Variants in LGSN observed in about 807,000 individuals in gnomAD.
LGSN encodes the protein lengsin, lens protein with glutamine synthetase domain, also known as lengsin.
Under a neutral mutation model 19.5 loss-of-function variants are expected in LGSN, and 21 were observed. The observed-to-expected ratio is 1.07, with a 90% CI of 0.76 to 1.55. The LOEUF (loss-of-function observed/expected upper bound fraction) is 1.55, where lower values mean the gene tolerates loss of function less well. Ranked by LOEUF, LGSN falls within the 40% of genes most tolerant of loss-of-function variation. The pLI is 0.00. For synonymous variants in LGSN, 257 were observed against 215.6 expected, an observed-to-expected ratio of 1.19 and a Z score of -1.68; for missense variants, 673 against 608.5, an observed-to-expected ratio of 1.11 and a Z score of -1.12.
At chr6:63,567,405 T>G in the LGSN span, among the ~76,000 whole-genome samples, 2 of 152,232 alleles carry the variant, frequency 1.3e-5, no homozygotes, top group Non-Finnish European at 2.9e-5. Context: ...ATTACTCTCC[T>G]TGTACATCTC....
At chr6:63,434,205 G>C in the LGSN span, among the ~76,000 whole-genome samples, 5 of 151,582 alleles carry the variant, frequency 3.3e-5, no homozygotes, top group Non-Finnish European at 1.5e-5. Flanking sequence ...TTGGGAGGCT[G>C]ATGTGGGCAG....
intron 1 of LGSN, among the ~76,000 whole-genome samples, chr6:63,303,057 G>A (rs1234895601): frequency 6.6e-6 from 1 of 152,140 alleles, no homozygotes; most frequent in African/African-American, 2.4e-5. Context: ...GAACCCAGGA[G>A]GCAGAGGTTG....
At chr6:63,384,057 C>T in the LGSN span, among the ~76,000 whole-genome samples, 1 of 152,162 alleles carries the variant, frequency 6.6e-6, no homozygotes, top group African/African-American at 2.4e-5. Flanking sequence ...TTTACAGTCT[C>T]CTCTGCTTCT....
At chr6:63,290,689 A>G (rs2127386103) in intron 2 of LGSN, among the ~76,000 whole-genome samples, 1 of 152,366 alleles carries the variant, frequency 6.6e-6, no homozygotes, top group South Asian at 2.1e-4. Context: ...AGGACCAGAT[A>G]GTAAATATTT....
the LGSN span, among the ~76,000 whole-genome samples, chr6:63,569,724 A>T: frequency 6.6e-6 from 1 of 152,252 alleles, no homozygotes; most frequent in Non-Finnish European, 1.5e-5. Flanking sequence ...AGCAGGAGAG[A>T]AAATCCTCTA....
chr6:63,344,273 A>G, the LGSN span, among the ~76,000 whole-genome samples: 449 of 152,346 alleles, frequency 2.9e-3, 3 homozygotes, highest in African/African-American at 0.01. Flanking sequence ...CTTCTCAGTA[A>G]CGAAGCTGTA....
the LGSN span, among the ~76,000 whole-genome samples, chr6:63,552,117 C>T: frequency 3.3e-5 from 5 of 152,196 alleles, no homozygotes; most frequent in African/African-American, 1.2e-4. Context: ...GGAATCGCCA[C>T]ACTGACTTCC....
the LGSN span, among the ~76,000 whole-genome samples, chr6:63,445,806 T>C: frequency 6.6e-6 from 1 of 152,116 alleles, no homozygotes; most frequent in Non-Finnish European, 1.5e-5. Context: ...TGTTCTTCTT[T>C]CCACCCTAGG....
At chr6:63,557,482 C>T in the LGSN span, among the ~76,000 whole-genome samples, 1 of 151,614 alleles carries the variant, frequency 6.6e-6, no homozygotes, top group African/African-American at 2.4e-5. Flanking sequence ...GAGAACTGCT[C>T]CATATATATA....
At chr6:63,441,164 G>A in the LGSN span, 22 of 208,412 alleles carry the variant, frequency 1.1e-4, no homozygotes, top group Non-Finnish European at 1.9e-4. Flanking sequence ...AGCCGAGATT[G>A]CGCATTGCAC....
the LGSN span, chr6:63,443,378 G>C: frequency 6.5e-6 from 1 of 154,474 alleles, no homozygotes; most frequent in Non-Finnish European, 1.4e-5. Flanking sequence ...AGCCCAGAGA[G>C]GGGTTCCCAC....
chr6:63,451,402 A>G, the LGSN span, among the ~76,000 whole-genome samples: 3 of 152,214 alleles, frequency 2.0e-5, no homozygotes, highest in African/African-American at 7.2e-5. Context: ...ATGGAACACT[A>G]TGCAGCTGTA....
At chr6:63,416,672 A>G in the LGSN span, among the ~76,000 whole-genome samples, 3 of 151,734 alleles carry the variant, frequency 2.0e-5, no homozygotes, top group African/African-American at 7.3e-5. Context: ...CACCTCAGCA[A>G]TTCTCCTACC....
the LGSN span, among the ~76,000 whole-genome samples, chr6:63,466,724 T>C: frequency 3.3e-5 from 5 of 152,062 alleles, no homozygotes; most frequent in African/African-American, 1.2e-4. Flanking sequence ...ACTGGAAGGA[T>C]AGAGTTAGTA....
chr6:63,394,241 G>A, the LGSN span, among the ~76,000 whole-genome samples: 1 of 152,132 alleles, frequency 6.6e-6, no homozygotes, highest in Non-Finnish European at 1.5e-5. Context: ...TCCAGCCTGG[G>A]CAACAGAGCG....
At chr6:63,543,076 C>T in the LGSN span, among the ~76,000 whole-genome samples, 2 of 152,206 alleles carry the variant, frequency 1.3e-5, no homozygotes, top group East Asian at 1.9e-4. Flanking sequence ...TCCCCCACTG[C>T]ACCTTCTCCT....
the LGSN span, among the ~76,000 whole-genome samples, chr6:63,524,511 T>C: frequency 3.9e-5 from 6 of 152,084 alleles, no homozygotes; most frequent in Admixed American, 3.3e-4. Flanking sequence ...TTTTGAAAAA[T>C]ATGTATAATT....
chr6:63,287,215 T>G (rs1461890741), intron 2 of LGSN, among the ~76,000 whole-genome samples: 7 of 152,256 alleles, frequency 4.6e-5, no homozygotes, highest in Non-Finnish European at 1.0e-4. Context: ...CTGATACATT[T>G]GGCTACTCTG....
At chr6:63,453,855 A>G in the LGSN span, among the ~76,000 whole-genome samples, 1 of 151,896 alleles carries the variant, frequency 6.6e-6, no homozygotes, top group African/African-American at 2.4e-5. Context: ...ACAGGGTTTC[A>G]CTGTGTCAGC....
Sources: allele counts gnomAD v4.1 joint callset (sites outside exome capture counted in the v4.1 genomes callset), GRCh38; gene constraint gnomAD v4.1.1; transcripts MANE v1.5; gene names NCBI Gene and HGNC (gene_info 2026-07-23, HGNC 2026-07-21).